Variants in FGD5 observed in about 807,000 individuals in gnomAD.
The protein encoded by FGD5 is FYVE, RhoGEF and PH domain-containing protein 5.
FGD5 carries 28 observed loss-of-function variants against 133.4 expected under a neutral mutation model. That is an observed-to-expected ratio of 0.21 (90% CI 0.16 to 0.29). The LOEUF (loss-of-function observed/expected upper bound fraction) is 0.29, where lower values mean the gene tolerates loss of function less well. Among genes scored for constraint, FGD5 ranks in the 10% least tolerant of loss-of-function variants. The probability of loss-of-function intolerance (pLI) is 1.00; values close to 1 mark genes in which losing one functional copy is unlikely to be tolerated. For missense variants in FGD5, 1,858 were observed against 1,895.2 expected, an observed-to-expected ratio of 0.98 and a Z score of 0.36; for synonymous variants, 810 against 776.5, an observed-to-expected ratio of 1.04 and a Z score of -0.72.
At chr3:14,891,254 A>G (rs2125126972) in intron 4 of FGD5, among the ~76,000 whole-genome samples, 1 of 151,864 alleles carries the variant, frequency 6.6e-6, no homozygotes, top group East Asian at 1.9e-4. Context: ...GCTCAGAATG[A>G]CCCCAGTACC....
chr3:14,820,027 A>G lies in FGD5; in HGVS notation c.956A>G (p.Glu319Gly). The G allele has an allele frequency of 3.1e-6, 5 of 1,614,026 alleles. No homozygotes were observed. Among genetic ancestry groups the G allele is most frequent in the Non-Finnish European group, 4.2e-6 (5 of 1,179,880 alleles). The stretch of plus-strand genomic sequence containing the variant: ...ACCCTGGAGGACCATGCACAGGATG[A>G]GTCCGCCGAGGAGAGCTGCCAGATT... ...AATLEDHAQD[E>G]SAEESCQIVP... Residue 319 changes from glutamate to glycine, a missense_variant, in exon 1 of 20, where the codon GAG becomes GGG. Around this residue, in one of 3 missense-constraint regions of FGD5, gnomAD observed 1,824 missense variants for 1,848.9 expected, o/e 0.99. Coordinates refer to ENST00000285046, the MANE Select transcript of FGD5 (RefSeq NM_152536.4).
At chr3:14,866,688 G>T (rs1027625109) in intron 2 of FGD5, among the ~76,000 whole-genome samples, 13 of 152,228 alleles carry the variant, frequency 8.5e-5, no homozygotes, top group Non-Finnish European at 1.5e-4. Context: ...ACTCAGGAAA[G>T]AAGCATACCA....
chr3:14,889,595 A>T (rs2037987770), intron 4 of FGD5, among the ~76,000 whole-genome samples: 1 of 152,182 alleles, frequency 6.6e-6, no homozygotes, highest in Non-Finnish European at 1.5e-5. Flanking sequence ...ATAAGCATAG[A>T]CATAGCTTTA....
chr3:14,923,706 C>A (rs1246547644), intron 16 of FGD5, among the ~76,000 whole-genome samples: 1 of 152,286 alleles, frequency 6.6e-6, no homozygotes, highest in East Asian at 1.9e-4. Flanking sequence ...AAACTAAAGT[C>A]TTTCCCTGGC....
intron 2 of FGD5, among the ~76,000 whole-genome samples, chr3:14,876,370 C>T (rs911041856): frequency 2.5e-4 from 38 of 152,280 alleles, no homozygotes; most frequent in Admixed American, 6.5e-4. Context: ...TAAAAATGAT[C>T]GAGGGCCCCA....
At chr3:14,847,530 A>G (rs956738704) in intron 1 of FGD5, among the ~76,000 whole-genome samples, 6 of 152,188 alleles carry the variant, frequency 3.9e-5, no homozygotes, top group Non-Finnish European at 8.8e-5. Context: ...AAACATTAAA[A>G]ACAGGAACAG....
rs1371871663 is a variant in FGD5 at position 14,844,215 on chromosome 3, AAAATATATATATATATATATAT to A, written c.2526-19911_2526-19890del. 1.6e-3 allele frequency among the ~76,000 whole-genome samples: 44 copies of A among 27,504 alleles called. 3 individuals are homozygous for A. Among genetic ancestry groups the A allele is most frequent in the South Asian group, 1.3e-3 (1 of 774 alleles). 18.0% of individuals were successfully genotyped at this position (27,504 alleles called of 152,430 possible). A position where few individuals can be genotyped will look rare whatever the true frequency, so the allele number is the denominator to read the frequency against. On this transcript the variant is annotated intron_variant, in intron 1 of 19. Transcript: ENST00000285046. ...ATCTTAATAGGCATTAAAAAAAAAAAAAATATATATATATATATATATATATATATATATATATATATATATA... is the reference window on the plus strand; with the variant it reads ...ATCTTAATAGGCATTAAAAAAAAAAAATATATATATATATATATATATATA...
In FGD5 at chr3:14,820,637, G is replaced by A. The variant is rs767787116; in HGVS notation, c.1566G>A (p.Thr522=). ...IGGAAEEVGK[T]LLSLEGKPLE... ...GTGCCGCAGAGGAGGTGGGAAAGAC[G>A]CTTTTGTCATTGGAGGGGAAGCCCT... is the stretch of plus-strand genomic sequence containing the variant. Residue 522 remains threonine, a synonymous_variant, in exon 1 of 20, where the codon ACG becomes ACA. Transcript: ENST00000285046. 8 of 1,603,094 alleles carry A rather than the reference G, an allele frequency of 5.0e-6. No individual in the cohort carries two copies. In the African/African-American group the frequency reaches 5.4e-5, roughly 11 times the overall value.
At position 14,916,864 on chromosome 3, in the gene FGD5, C is replaced by T. The variant is rs567855898; in HGVS notation, c.3406-385C>T. On this transcript the variant is annotated intron_variant, in intron 11 of 19. Coordinates refer to ENST00000285046, the MANE Select transcript of FGD5 (RefSeq NM_152536.4). ...TCAGCATGATTTTGAGATGCATCCACGTGGTGGTGTGTATTGGTGGCATGT... is the reference window on the plus strand; with the variant it reads ...TCAGCATGATTTTGAGATGCATCCATGTGGTGGTGTGTATTGGTGGCATGT... Among the ~76,000 whole-genome samples the T allele has an allele frequency of 5.9e-5, 9 of 152,312 alleles. No individual in the cohort carries two copies. The South Asian group carries it at 1.2e-3, about 21-fold the overall frequency.
At chr3:14,846,230 C>T (rs572405444) in intron 1 of FGD5, among the ~76,000 whole-genome samples, 1 of 152,216 alleles carries the variant, frequency 6.6e-6, no homozygotes, top group African/African-American at 2.4e-5. Flanking sequence ...TTTGGGGGCT[C>T]AGGGGCTTCT....
At chr3:14,844,191 T>C (rs2036981598) in intron 1 of FGD5, among the ~76,000 whole-genome samples, 1 of 99,056 alleles carries the variant, frequency 1.0e-5, no homozygotes, top group African/African-American at 3.6e-5. Context: ...ATTTCTCACA[T>C]CTTAATAGGC....
chr3:14,918,938 G>A, intron 13 of FGD5, 105 bp downstream of exon 13: 1 of 1,222,326 alleles, frequency 8.2e-7, no homozygotes, highest in Non-Finnish European at 1.2e-6. Flanking sequence ...GTATCCTTCT[G>A]GGTCAAAGTA....
At chr3:14,817,271 T>C (rs1295328970), upstream of FGD5, among the ~76,000 whole-genome samples, 1 of 151,840 alleles carries the variant, frequency 6.6e-6, no homozygotes, top group African/African-American at 2.4e-5. Context: ...TCTTGGCTTA[T>C]TGCAACCTCT....
Position 14,933,909 on chromosome 3 carries a change from TC to T in FGD5, c.*747del, listed in dbSNP as rs2038939911. On this transcript the variant is annotated 3_prime_UTR_variant, in exon 20 of 20. Coordinates refer to ENST00000285046, the MANE Select transcript of FGD5 (RefSeq NM_152536.4). ...AACTTATTAAAGGAGGGGTCCCTCC[TC>T]CCCCAGAGCAGTCCTCAACACTATG... 6.6e-6 allele frequency: 1 copy of T among 151,834 alleles called. No individual in the cohort carries two copies. The highest frequency in any genetic ancestry group is 6.6e-5 in the Admixed American group (1 of 15,226). The allele number at this position is 151,834 out of a possible 1,614,324, so 9.4% of individuals were successfully genotyped here.
chr3:14,914,439 AC>A (rs2038513038), intron 11 of FGD5, among the ~76,000 whole-genome samples: 1 of 152,134 alleles, frequency 6.6e-6, no homozygotes, highest in Admixed American at 6.6e-5. Context: ...TAAAGCATAT[AC>A]TTTGAAGCAG....
chr3:14,845,935 A>G (rs562797137), intron 1 of FGD5, among the ~76,000 whole-genome samples: 1 of 152,230 alleles, frequency 6.6e-6, no homozygotes, highest in Admixed American at 6.5e-5. Flanking sequence ...GACATGAAGG[A>G]TGTGGAGTGA....
intron 9 of FGD5, 55 bp from the exon 10 acceptor site, chr3:14,907,585 A>G: frequency 6.5e-7 from 1 of 1,538,830 alleles, no homozygotes; most frequent in Non-Finnish European, 8.9e-7. Flanking sequence ...CAGAGGAGAT[A>G]AGACGCCTGG....
chr3:14,837,965 C>A (rs1169325914), intron 1 of FGD5, among the ~76,000 whole-genome samples: 2 of 152,156 alleles, frequency 1.3e-5, no homozygotes, highest in Admixed American at 1.3e-4. Context: ...TGTTTTTCAT[C>A]TCCCAGCTCT....
intron 1 of FGD5, among the ~76,000 whole-genome samples, chr3:14,835,567 A>C (rs1392421440): frequency 6.6e-6 from 1 of 152,156 alleles, no homozygotes; most frequent in Non-Finnish European, 1.5e-5. Flanking sequence ...GGAGGTCGTG[A>C]AACCTTAACG....
Sources: allele counts gnomAD v4.1 joint callset (sites outside exome capture counted in the v4.1 genomes callset), GRCh38; gene constraint gnomAD v4.1.1; regional missense constraint gnomAD v4.1.1; transcripts MANE v1.5; gene names NCBI Gene and HGNC (gene_info 2026-07-23, HGNC 2026-07-21).